The following RIPOR2 variants were observed in gnomAD, a reference collection of about 807,000 sequenced individuals.
The protein encoded by RIPOR2 is RHO family interacting cell polarization regulator 2, also known as rho family-interacting cell polarization regulator 2.
RIPOR2 carries 39 observed loss-of-function variants against 114.5 expected under a neutral mutation model. The observed-to-expected ratio is 0.34, with a 90% CI of 0.26 to 0.44. RIPOR2 has a LOEUF of 0.44. RIPOR2 is among the 20% of genes least tolerant of loss of function. The pLI is 1.00. For missense variants in RIPOR2, 1,007 were observed against 1,255.1 expected (o/e 0.80, Z 2.99); for synonymous variants, 445 against 484.4 (o/e 0.92, Z 1.07).
intron 14 of RIPOR2, among the ~76,000 whole-genome samples, chr6:24,838,688 G>A (rs998812459): frequency 2.0e-5 from 3 of 152,092 alleles, no homozygotes; most frequent in South Asian, 2.1e-4. Flanking sequence ...CAGCTACTCC[G>A]GAAGCTGAGG....
intron 1 of RIPOR2, among the ~76,000 whole-genome samples, chr6:24,994,040 C>A (rs1774944397): frequency 6.6e-6 from 1 of 152,180 alleles, no homozygotes; most frequent in Admixed American, 6.5e-5. Context: ...ACTCACAGTG[C>A]CATTCCTTTG....
At chr6:24,826,173 C>T (rs746648638) in intron 18 of RIPOR2, among the ~76,000 whole-genome samples, 6 of 152,028 alleles carry the variant, frequency 3.9e-5, no homozygotes, top group East Asian at 1.9e-4. Context: ...GTGATCCACC[C>T]GCCTTGGACT....
At chr6:25,035,519 G>A (rs911179957) in intron 1 of RIPOR2, among the ~76,000 whole-genome samples, 12 of 152,130 alleles carry the variant, frequency 7.9e-5, no homozygotes, top group African/African-American at 1.2e-4. Flanking sequence ...GGTTGGAAAC[G>A]GCAGCAACAC....
intron 1 of RIPOR2, among the ~76,000 whole-genome samples, chr6:24,928,249 T>A (rs1292755740): frequency 6.6e-6 from 1 of 152,188 alleles, no homozygotes; most frequent in Admixed American, 6.5e-5. Context: ...AATATTTTAG[T>A]CACGTAATTT....
At chr6:24,820,838 G>C (rs1301192595) in intron 19 of RIPOR2, among the ~76,000 whole-genome samples, 1 of 136,488 alleles carries the variant, frequency 7.3e-6, no homozygotes, top group South Asian at 2.3e-4. Context: ...TGTGTACAAG[G>C]TTTTTTTGTG....
chr6:24,920,019 T>C (rs77110885), intron 1 of RIPOR2, among the ~76,000 whole-genome samples: 1,937 of 152,370 alleles, frequency 0.013, 19 homozygotes, highest in Non-Finnish European at 0.021. Context: ...AGAACAATTA[T>C]TCCCCAGAAT....
intron 1 of RIPOR2, among the ~76,000 whole-genome samples, chr6:25,031,729 ATATATATATATATATATATAT>A (rs1561855750): frequency 6.2e-4 from 68 of 109,476 alleles, no homozygotes; most frequent in East Asian, 2.1e-3. Context: ...ATATATATAT[ATATATATATATATATATATAT>A]AAAATATCCA....
chr6:25,034,333 G>C (rs533231733), intron 1 of RIPOR2, among the ~76,000 whole-genome samples: 1 of 151,804 alleles, frequency 6.6e-6, no homozygotes, highest in East Asian at 2.0e-4. Flanking sequence ...AGGGTAGGAG[G>C]GGGTAAGGGG....
intron 5 of RIPOR2, 63 bp downstream of exon 5, chr6:24,870,803 C>G (rs112061020): frequency 1.6e-6 from 2 of 1,281,060 alleles, no homozygotes; most frequent in East Asian, 2.4e-5. Context: ...CGTGAGCCAC[C>G]GTGCCCAGCA....
intron 1 of RIPOR2, among the ~76,000 whole-genome samples, chr6:24,923,006 A>G (rs747789872): frequency 2.6e-5 from 4 of 152,172 alleles, no homozygotes; most frequent in Non-Finnish European, 4.4e-5. Context: ...GCAAACCTGA[A>G]ACTCTATGCC....
Position 25,024,196 on chromosome 6 carries a change from G to A in RIPOR2, c.76+17655C>T, listed in dbSNP as rs573628629. ...TCCACTTGTTTGCTGGCAATGCAGG[G>A]CCTGGCGAGAAAGGTGCCCAGGAGG... On this transcript the variant is annotated intron_variant, in intron 1 of 13. Transcript: ENST00000510784. The A allele has an allele frequency of 5.3e-5, 76 of 1,423,844 alleles. No homozygotes were observed. In the East Asian group the frequency reaches 1.3e-3, roughly 24 times the overall value. 88.2% of individuals were successfully genotyped at this position (1,423,844 alleles called of 1,614,324 possible). A position where few individuals can be genotyped will look rare whatever the true frequency, so the allele number is the denominator to read the frequency against.
intron 1 of RIPOR2, among the ~76,000 whole-genome samples, chr6:24,991,436 G>A (rs1774810686): frequency 6.6e-6 from 1 of 152,090 alleles, no homozygotes; most frequent in African/African-American, 2.4e-5. Context: ...TGGTATACTA[G>A]GAGGTACATT....
At chr6:25,024,140 G>A in intron 1 of RIPOR2, 1 of 974,486 alleles carries the variant, frequency 1.0e-6, no homozygotes, top group Non-Finnish European at 1.6e-6. Context: ...TACCGGTGGC[G>A]CCGCGGGACA....
Position 24,972,571 on chromosome 6 carries a change from C to T in RIPOR2, c.76+69280G>A, listed in dbSNP as rs77735905. ...AGAGGTTTTCAGATATGTGGGTAGGCTTCAGGGGTTTTATGATGTCTCAAA... is the reference window on the plus strand; with the variant it reads ...AGAGGTTTTCAGATATGTGGGTAGGTTTCAGGGGTTTTATGATGTCTCAAA... On this transcript the variant is annotated intron_variant, in intron 1 of 13. Transcript: ENST00000510784. Among the ~76,000 whole-genome samples, 1,422 of 152,206 alleles carry T rather than the reference C, an allele frequency of 9.3e-3. 26 individuals are homozygous for T. Among genetic ancestry groups the T allele is most frequent in the African/African-American group, 0.032 (1,329 of 41,532 alleles).
intron 1 of RIPOR2, among the ~76,000 whole-genome samples, chr6:24,922,552 C>CT (rs1042997289): frequency 1.3e-5 from 2 of 151,744 alleles, no homozygotes; most frequent in African/African-American, 2.4e-5. Context: ...ATTCTGAACT[C>CT]TTTTTTTAAA....
chr6:24,868,552 T>C (rs1764846949), intron 6 of RIPOR2, among the ~76,000 whole-genome samples: 1 of 152,104 alleles, frequency 6.6e-6, no homozygotes, highest in Admixed American at 6.6e-5. Flanking sequence ...CAGGGCTGGG[T>C]GTCAGGGACA....
upstream of RIPOR2, among the ~76,000 whole-genome samples, chr6:24,939,012 TA>T (rs1011248729): frequency 5.3e-5 from 8 of 152,124 alleles, no homozygotes; most frequent in Admixed American, 2.0e-4. Flanking sequence ...AATGAGCAAA[TA>T]AAAAAATGTA....
intron 12 of RIPOR2, among the ~76,000 whole-genome samples, chr6:24,846,117 A>C (rs1254394478): frequency 6.6e-6 from 1 of 152,152 alleles, no homozygotes; most frequent in Non-Finnish European, 1.5e-5. Context: ...ACTCTCGCCC[A>C]CAACCCCCAA....
upstream of RIPOR2, among the ~76,000 whole-genome samples, chr6:24,936,255 T>G (rs1183704439): frequency 2.6e-5 from 4 of 152,232 alleles, no homozygotes; most frequent in African/African-American, 7.2e-5. Context: ...TTAACTTTCT[T>G]GCTTATGAAT....
Sources: allele counts gnomAD v4.1 joint callset (sites outside exome capture counted in the v4.1 genomes callset), GRCh38; gene constraint gnomAD v4.1.1; transcripts MANE v1.5; gene names NCBI Gene and HGNC (gene_info 2026-07-23, HGNC 2026-07-21).